Variants in PRKCA observed in about 807,000 individuals in gnomAD.
The protein encoded by PRKCA is protein kinase C alpha type.
A neutral mutation model predicts 87.0 loss-of-function variants in PRKCA; 27 were observed. The ratio of observed to expected loss-of-function variants is 0.31; its 90% CI spans 0.23 to 0.43. The LOEUF is 0.43. PRKCA is among the 20% of genes least tolerant of loss of function. PRKCA has a pLI of 1.00. For synonymous variants in PRKCA, 329 were observed against 311.1 expected (o/e 1.06, Z -0.61); for missense variants, 518 against 852.3 (o/e 0.61, Z 4.88).
chr17:66,729,124 A>C (rs1297040002), intron 8 of PRKCA, among the ~76,000 whole-genome samples: 3 of 152,186 alleles, frequency 2.0e-5, no homozygotes, highest in African/African-American at 7.2e-5. Flanking sequence ...AAATTTAGAC[A>C]CAACCAATTG....
chr17:66,398,621 AAGAC>A (rs752854352), intron 2 of PRKCA, among the ~76,000 whole-genome samples: 3 of 152,332 alleles, frequency 2.0e-5, no homozygotes, highest in Non-Finnish European at 4.4e-5. Context: ...ATTTGGAAGC[AAGAC>A]AGAGAGGGAA....
rs141040360 is a variant in PRKCA, at chr17:66,772,394, C to T, written c.1525-1593C>T. Among the ~76,000 whole-genome samples the T allele has an allele frequency of 2.0e-5, 3 of 152,196 alleles. No individual in the cohort carries two copies. The East Asian group carries it at 5.8e-4, about 29-fold the overall frequency. Reference sequence around the variant, plus strand: ...TTAAACTGTTGGTGCTTGTGTTTCTCATCCTACATGCAGAAATATTAGTAA... The same window carrying T: ...TTAAACTGTTGGTGCTTGTGTTTCTTATCCTACATGCAGAAATATTAGTAA... On this transcript the variant is annotated intron_variant, in intron 13 of 16. Transcript: ENST00000413366.
chr17:66,793,516 G>A (rs893617156), intron 16 of PRKCA, among the ~76,000 whole-genome samples: 3 of 149,838 alleles, frequency 2.0e-5, no homozygotes, highest in Non-Finnish European at 2.9e-5. Context: ...CTTGAACCTG[G>A]GAGGCGGAAG....
chr17:66,757,725 G>A (rs1405970068), intron 13 of PRKCA, among the ~76,000 whole-genome samples: 1 of 151,924 alleles, frequency 6.6e-6, no homozygotes, highest in Non-Finnish European at 1.5e-5. Context: ...AATTTTTTTT[G>A]TTTTTTGGGT....
At chr17:66,362,634 A>G (rs1908454287) in intron 2 of PRKCA, among the ~76,000 whole-genome samples, 1 of 145,616 alleles carries the variant, frequency 6.9e-6, no homozygotes, top group Admixed American at 6.8e-5. Context: ...GGGGAAATGT[A>G]TTTTTTCTGT....
intron 8 of PRKCA, among the ~76,000 whole-genome samples, chr17:66,695,384 T>C (rs1209258285): frequency 6.6e-6 from 1 of 152,232 alleles, no homozygotes; most frequent in Non-Finnish European, 1.5e-5. Context: ...ACTTTTAATT[T>C]GCATTTTGAT....
intron 3 of PRKCA, among the ~76,000 whole-genome samples, chr17:66,620,589 G>GA (rs1382408390): frequency 6.6e-5 from 10 of 151,922 alleles, no homozygotes; most frequent in Non-Finnish European, 1.3e-4. Flanking sequence ...TTCATAAGGG[G>GA]AAAAAAAATG....
At chr17:66,376,918 GC>G (rs1326304388) in intron 2 of PRKCA, among the ~76,000 whole-genome samples, 1 of 152,166 alleles carries the variant, frequency 6.6e-6, no homozygotes, top group Non-Finnish European at 1.5e-5. Context: ...TGGTGGAGAA[GC>G]CCTGCATGAC....
At chr17:66,383,682 A>G (rs1909896082) in intron 2 of PRKCA, among the ~76,000 whole-genome samples, 1 of 152,150 alleles carries the variant, frequency 6.6e-6, no homozygotes, top group African/African-American at 2.4e-5. Flanking sequence ...CATCATGGAA[A>G]ATCCTGTCAA....
intron 14 of PRKCA, among the ~76,000 whole-genome samples, chr17:66,779,475 T>C (rs547693437): frequency 1.3e-5 from 2 of 152,234 alleles, no homozygotes; most frequent in African/African-American, 4.8e-5. Flanking sequence ...CTGGGTTATT[T>C]ATGCTTTGAT....
intron 3 of PRKCA, chr17:66,554,558 A>G: frequency 1.0e-6 from 1 of 962,274 alleles, no homozygotes; most frequent in African/African-American, 1.8e-5. Flanking sequence ...CTACCTTTTG[A>G]GATCCTACTC....
chr17:66,763,111 A>G (rs192145771), intron 13 of PRKCA, among the ~76,000 whole-genome samples: 35 of 152,348 alleles, frequency 2.3e-4, no homozygotes, highest in Non-Finnish European at 3.7e-4. Context: ...TTTCTAAATC[A>G]TCCCTCCAGA....
rs71160568 is a variant in PRKCA at position 66,406,585 on chromosome 17, G to GTTTTTTTTTTTTTTTTTTTTTT, written c.206-89613_206-89592dup. On this transcript the variant is annotated intron_variant, in intron 2 of 16. Coordinates refer to ENST00000413366, the MANE Select transcript of PRKCA (RefSeq NM_002737.3). ...TCATGTAGCATTGTAGCTTTTCCAG[G>GTTTTTTTTTTTTTTTTTTTTTT]TTTTTTTTTTTTTTTTTTTTTTTTA... 4.1e-4 allele frequency among the ~76,000 whole-genome samples: 29 copies of GTTTTTTTTTTTTTTTTTTTTTT among 70,178 alleles called. 3 individuals carry two copies. Among genetic ancestry groups the GTTTTTTTTTTTTTTTTTTTTTT allele is most frequent in the African/African-American group, 6.5e-4 (14 of 21,690 alleles). The allele number at this position is 70,178 out of a possible 152,430, so 46.0% of individuals were successfully genotyped here.
At chr17:66,408,159 A>G (rs1007019612) in intron 2 of PRKCA, among the ~76,000 whole-genome samples, 17 of 152,230 alleles carry the variant, frequency 1.1e-4, no homozygotes, top group African/African-American at 3.9e-4. Context: ...GCTGTAATCA[A>G]AATAGGTTGT....
At chr17:66,493,893 T>C (rs531657768) in intron 2 of PRKCA, among the ~76,000 whole-genome samples, 1 of 152,342 alleles carries the variant, frequency 6.6e-6, no homozygotes, top group East Asian at 1.9e-4. Flanking sequence ...ACCTAGACTA[T>C]GCAAGAGGCT....
At position 66,804,656 on chromosome 17, in the gene PRKCA, C is replaced by CA. The variant is rs60287105; in HGVS notation, c.*626dup. The CA allele has an allele frequency of 0.13, 20,432 of 152,556 alleles. 1,766 individuals carry two copies. The highest frequency in any genetic ancestry group is 0.24 in the African/African-American group (9,912 of 41,494). The allele number at this position is 152,556 out of a possible 1,614,324, so 9.5% of individuals were successfully genotyped here. A position where few individuals can be genotyped will look rare whatever the true frequency, so the allele number is the denominator to read the frequency against. ...ATGGTCCAGCAGTTACCAGTTTAAA[C>CA]AAAAAAACCTCAGATGAGTGTTGGG... On this transcript the variant is annotated 3_prime_UTR_variant, in exon 17 of 17. Coordinates refer to ENST00000413366, the MANE Select transcript of PRKCA (RefSeq NM_002737.3).
At chr17:66,568,432 A>C (rs903020626) in intron 3 of PRKCA, among the ~76,000 whole-genome samples, 1 of 151,996 alleles carries the variant, frequency 6.6e-6, no homozygotes, top group Non-Finnish European at 1.5e-5. Context: ...GGTGAGGAGT[A>C]ATTCGTGGTT....
chr17:66,721,321 C>CG, intron 8 of PRKCA, among the ~76,000 whole-genome samples: 1 of 149,700 alleles, frequency 6.7e-6, no homozygotes, highest in Non-Finnish European at 1.5e-5. Flanking sequence ...GGCGTGTATC[C>CG]GGAGGTGGAG....
chr17:66,407,859 C>T (rs566788369), intron 2 of PRKCA, among the ~76,000 whole-genome samples: 26 of 152,272 alleles, frequency 1.7e-4, no homozygotes, highest in African/African-American at 6.3e-4. Context: ...TTGCAAGCCC[C>T]ATTGAAAGTT....
Sources: allele counts gnomAD v4.1 joint callset (sites outside exome capture counted in the v4.1 genomes callset), GRCh38; gene constraint gnomAD v4.1.1; transcripts MANE v1.5; gene names NCBI Gene and HGNC (gene_info 2026-07-23, HGNC 2026-07-21).